MTIF2: variants seen among roughly 807,000 people sequenced by gnomAD.
MTIF2 encodes mitochondrial translational initiation factor 2.
Under a neutral mutation model 83.5 loss-of-function variants are expected in MTIF2, and 71 were observed. That is an observed-to-expected ratio of 0.85 (90% CI 0.70 to 1.04). The LOEUF is 1.04. MTIF2 is among the 50% of genes least tolerant of loss of function. The pLI, the probability that MTIF2 is intolerant of heterozygous loss-of-function variation, is 0.00. For missense variants in MTIF2, 957 were observed against 846.5 expected, an observed-to-expected ratio of 1.13 and a Z score of -1.62; for synonymous variants, 319 against 287.1, an observed-to-expected ratio of 1.11 and a Z score of -1.12.
chr2:55,241,403 G>C (rs544757771), intron 13 of MTIF2, among the ~76,000 whole-genome samples: 2 of 136,974 alleles, frequency 1.5e-5, no homozygotes, highest in African/African-American at 5.5e-5. Flanking sequence ...GGGCGACAGA[G>C]CAAGACTCTG....
intron 13 of MTIF2, among the ~76,000 whole-genome samples, chr2:55,241,721 T>C (rs1676326267): frequency 6.6e-6 from 1 of 151,952 alleles, no homozygotes; most frequent in Non-Finnish European, 1.5e-5. Context: ...TGGGTGCCTA[T>C]AATCCCAGCT....
chr2:55,268,189 A>G (rs2104498725), intron 2 of MTIF2, among the ~76,000 whole-genome samples: 1 of 151,890 alleles, frequency 6.6e-6, no homozygotes, highest in South Asian at 2.1e-4. Flanking sequence ...GGAGGCAGAG[A>G]CTGCAGTGAG....
chr2:55,255,074 CT>C (rs1677405230), intron 5 of MTIF2, among the ~76,000 whole-genome samples: 1 of 151,840 alleles, frequency 6.6e-6, no homozygotes, highest in Admixed American at 6.6e-5. Context: ...TCTAAGCCAT[CT>C]GAATCATCAA....
chr2:55,244,871 A>T (rs1049246404), intron 10 of MTIF2, among the ~76,000 whole-genome samples: 4 of 151,978 alleles, frequency 2.6e-5, no homozygotes, highest in African/African-American at 9.7e-5. Flanking sequence ...ACATGGTGAA[A>T]CCCCATCTAT....
intron 4 of MTIF2, 22 bp downstream of exon 4, chr2:55,263,618 A>G (rs1678206564): frequency 6.4e-7 from 1 of 1,574,266 alleles, no homozygotes; most frequent in South Asian, 1.2e-5. Flanking sequence ...TCAAAAAAAA[A>G]AAAAAAGAAA....
chr2:55,268,435 G>C (rs1678594917), intron 2 of MTIF2, 143 bp downstream of exon 2: 1 of 152,072 alleles, frequency 6.6e-6, no homozygotes, highest in East Asian at 1.9e-4. Context: ...CCAGATTTGA[G>C]AAGAGCACAG....
At chr2:55,241,321 G>A (rs1676286535) in intron 13 of MTIF2, among the ~76,000 whole-genome samples, 1 of 151,748 alleles carries the variant, frequency 6.6e-6, no homozygotes, top group South Asian at 2.1e-4. Context: ...AGGAAACTAA[G>A]GCAGGAACAT....
At position 55,243,144 on chromosome 2, in the gene MTIF2, G is replaced by A. The variant is rs1429568125; in HGVS notation, c.1565-64C>T. 7.5e-6 allele frequency: 11 copies of A among 1,462,040 alleles called. No homozygotes were observed. The African/African-American group carries it at 1.6e-4, about 21-fold the overall frequency. 90.6% of individuals were successfully genotyped at this position (1,462,040 alleles called of 1,614,324 possible). On this transcript the variant is annotated intron_variant, in intron 12 of 15. Transcript: ENST00000263629. ...GTTAGACATCAGCAGACATAAAAATGACAATAATCTATTTAAAGCCATGAT... is the reference window on the plus strand; with the variant it reads ...GTTAGACATCAGCAGACATAAAAATAACAATAATCTATTTAAAGCCATGAT...
In MTIF2 at chr2:55,246,388, T is replaced by A; in HGVS notation, c.1055A>T (p.Asn352Ile). The A allele has an allele frequency of 6.2e-7, 1 of 1,613,872 alleles. No homozygotes were observed. The highest frequency in any genetic ancestry group is 8.5e-7 in the Non-Finnish European group (1 of 1,179,826). ...AEMLELKADP[N>I]GPVEGTVIES... is the part of the protein sequence containing the mutation. ...TATTACTGTTCCTTCCACTGGACCA[T>A]TGGGATCTGCTTTCAATTCTAACAT... The change falls in exon 10 of 16, where the codon AAT becomes ATT. Residue 352 changes from asparagine (N) to isoleucine (I), a missense_variant. Coordinates refer to ENST00000263629, the MANE Select transcript of MTIF2 (RefSeq NM_002453.3).
intron 3 of MTIF2, among the ~76,000 whole-genome samples, chr2:55,265,041 G>A (rs369754676): frequency 1.3e-5 from 2 of 151,852 alleles, no homozygotes; most frequent in Admixed American, 6.6e-5. Context: ...TCAGGAGTTC[G>A]AGACTAGCCT....
intron 14 of MTIF2, among the ~76,000 whole-genome samples, chr2:55,238,224 G>A (rs966255316): frequency 4.0e-5 from 6 of 151,180 alleles, no homozygotes; most frequent in African/African-American, 1.5e-4. Context: ...TTCTTGTTGT[G>A]GAGGCTGGTC....
chr2:55,254,277 AT>A, intron 6 of MTIF2, 76 bp from the exon 7 acceptor site: 1 of 1,493,376 alleles, frequency 6.7e-7, no homozygotes, highest in South Asian at 1.3e-5. Flanking sequence ...GTTCACATTT[AT>A]CCCTGTGAAC....
chr2:55,239,931 T>C, intron 14 of MTIF2, 80 bp downstream of exon 14: 1 of 1,234,576 alleles, frequency 8.1e-7, no homozygotes, highest in Non-Finnish European at 1.1e-6. Context: ...TGAAAACGTT[T>C]CCTCTAAGCT....
chr2:55,236,907 T>TA (rs1675868714), intron 15 of MTIF2, 87 bp from the exon 16 acceptor site: 2 of 1,062,556 alleles, frequency 1.9e-6, no homozygotes. Context: ...ACCAGGAAAT[T>TA]ACACTGAAAT....
At chr2:55,245,450 G>A (rs10200120) in intron 10 of MTIF2, among the ~76,000 whole-genome samples, 105,600 of 152,056 alleles carry the variant, frequency 0.69, 38,012 homozygotes, top group Non-Finnish European at 0.79. Context: ...TTGAACCCAG[G>A]GATTGGAGGT....
chr2:55,247,163 CAGCTGATT>C, intron 9 of MTIF2, among the ~76,000 whole-genome samples: 1 of 152,204 alleles, frequency 6.6e-6, no homozygotes, highest in Non-Finnish European at 1.5e-5. Flanking sequence ...CAAGATCACA[CAGCTGATT>C]AACTGGTGAT....
At position 55,266,763 on chromosome 2, in the gene MTIF2, C is replaced by CTTTTT. The variant is rs1216777992; in HGVS notation, c.-8+801_-8+805dup. Among the ~76,000 whole-genome samples the CTTTTT allele has an allele frequency of 1.4e-3, 124 of 86,276 alleles. 2 individuals are homozygous for CTTTTT. Among genetic ancestry groups the CTTTTT allele is most frequent in the African/African-American group, 2.7e-3 (58 of 21,196 alleles). 56.6% of individuals were successfully genotyped at this position (86,276 alleles called of 152,430 possible). A position where few individuals can be genotyped will look rare whatever the true frequency, so the allele number is the denominator to read the frequency against. On this transcript the variant is annotated intron_variant, in intron 3 of 15. Coordinates refer to ENST00000263629, the MANE Select transcript of MTIF2 (RefSeq NM_002453.3). ...TAGGCATTAAATGCTACATTTCATT[C>CTTTTT]TTTTTTTTTTTTTTTTTTTTTTCAG...
chr2:55,256,001 T>G (rs1055924087), intron 5 of MTIF2, among the ~76,000 whole-genome samples: 5 of 151,880 alleles, frequency 3.3e-5, no homozygotes, highest in African/African-American at 1.2e-4. Context: ...CTCAGCCCCC[T>G]GAGTAGCTGG....
intron 7 of MTIF2, 96 bp downstream of exon 7, chr2:55,253,945 C>T (rs1270278192): frequency 7.5e-7 from 1 of 1,326,546 alleles, no homozygotes; most frequent in Non-Finnish European, 1.0e-6. Context: ...TTAGCCTTCT[C>T]TTGTACTTTG....
Sources: allele counts gnomAD v4.1 joint callset (sites outside exome capture counted in the v4.1 genomes callset), GRCh38; gene constraint gnomAD v4.1.1; transcripts MANE v1.5; gene names NCBI Gene and HGNC (gene_info 2026-07-23, HGNC 2026-07-21).